Variants in MARCHF4 observed in about 807,000 individuals in gnomAD.
The protein encoded by MARCHF4 is membrane associated ring-CH-type finger 4, also known as E3 ubiquitin-protein ligase MARCHF4.
Under a neutral mutation model 43.9 loss-of-function variants are expected in MARCHF4, and 14 were observed. The ratio of observed to expected loss-of-function variants is 0.32; its 90% CI spans 0.21 to 0.50. MARCHF4 has a LOEUF of 0.50. Among genes scored for constraint, MARCHF4 ranks in the 20% least tolerant of loss-of-function variants. The pLI, the probability that MARCHF4 is intolerant of heterozygous loss-of-function variation, is 0.98. For missense variants in MARCHF4, 468 were observed against 536.7 expected, an observed-to-expected ratio of 0.87 and a Z score of 1.27; for synonymous variants, 226 against 213.3, an observed-to-expected ratio of 1.06 and a Z score of -0.52.
At chr2:216,283,436 A>T in intron 2 of MARCHF4, 138 bp downstream of exon 2, 1 of 992,240 alleles carries the variant, frequency 1.0e-6, no homozygotes, top group Non-Finnish European at 1.5e-6. Context: ...CACGCCGCCC[A>T]CCGTGCTTGC....
intron 1 of MARCHF4, among the ~76,000 whole-genome samples, chr2:216,312,516 T>C (rs765776582): frequency 1.3e-4 from 20 of 152,164 alleles, no homozygotes; most frequent in Non-Finnish European, 2.2e-4. Context: ...CAACAGTGTA[T>C]AAGCATTCCC....
chr2:216,342,265 A>T, intron 1 of MARCHF4, among the ~76,000 whole-genome samples: 1 of 152,092 alleles, frequency 6.6e-6, no homozygotes, highest in East Asian at 1.9e-4. Flanking sequence ...CCTCACAACG[A>T]CCCACCAGGT....
intron 1 of MARCHF4, among the ~76,000 whole-genome samples, chr2:216,302,910 AAAAAAAAAAAAAAG>A (rs1338788765): frequency 1.2e-5 from 1 of 84,250 alleles, no homozygotes. Context: ...AAAAAAAAAA[AAAAAAAAAAAAAAG>A]AAAATGGCAT....
At chr2:216,318,578 T>C (rs1273259066) in intron 1 of MARCHF4, among the ~76,000 whole-genome samples, 1 of 151,442 alleles carries the variant, frequency 6.6e-6, no homozygotes, top group Non-Finnish European at 1.5e-5. Context: ...AGTGAGGGAG[T>C]GAACTGTGTG....
intron 1 of MARCHF4, among the ~76,000 whole-genome samples, chr2:216,294,885 T>C (rs982879677): frequency 3.3e-5 from 5 of 152,352 alleles, no homozygotes; most frequent in Non-Finnish European, 7.3e-5. Context: ...ATGCAAGCAT[T>C]GACTGCTGGG....
Position 216,370,222 on chromosome 2 carries a change from C to G in MARCHF4, c.39G>C (p.Trp13Cys), listed in dbSNP as rs145386484. 217 of 1,606,856 alleles carry G rather than the reference C, an allele frequency of 1.4e-4. 1 individual carries two copies. The highest frequency in any genetic ancestry group is 2.5e-4 in the African/African-American group (19 of 74,866). The change falls in exon 1 of 4, where the codon TGG (tryptophan) becomes TGC (cysteine). Residue 13 changes from tryptophan to cysteine, a missense_variant. This residue lies in a region of MARCHF4 where 190 missense variants were observed against 158.5 expected (regional missense o/e 1.20). Transcript: ENST00000273067. ...MPLCGLLWWWWCCCSGWYCYG... is the reference protein window; with the variant it reads ...MPLCGLLWWWCCCCSGWYCYG... ...AGCAGTACCAGCCGGAGCAGCAGCA[C>G]CACCACCACCAGAGCAGCCCACACA...
At chr2:216,271,893 C>T (rs978871990) in intron 3 of MARCHF4, among the ~76,000 whole-genome samples, 24 of 151,440 alleles carry the variant, frequency 1.6e-4, no homozygotes, top group Admixed American at 9.9e-4. Context: ...TGTGCTCAAG[C>T]GATCCTCCTA....
intron 1 of MARCHF4, among the ~76,000 whole-genome samples, chr2:216,365,172 T>C (rs949678745): frequency 2.0e-5 from 3 of 152,212 alleles, no homozygotes; most frequent in African/African-American, 4.8e-5. Context: ...CATTGCATCT[T>C]AGGATCTCCA....
intron 1 of MARCHF4, among the ~76,000 whole-genome samples, chr2:216,326,045 T>A: frequency 7.2e-6 from 1 of 138,216 alleles, no homozygotes; most frequent in Non-Finnish European, 1.6e-5. Flanking sequence ...GGGAGAAAAT[T>A]TTCGCAACCT....
chr2:216,310,232 G>T (rs1271941059), intron 1 of MARCHF4, among the ~76,000 whole-genome samples: 1 of 152,040 alleles, frequency 6.6e-6, no homozygotes, highest in Non-Finnish European at 1.5e-5. Context: ...CTTTCACTTT[G>T]GGGCAGTACT....
intron 1 of MARCHF4, among the ~76,000 whole-genome samples, chr2:216,315,820 A>G (rs1416247666): frequency 1.3e-5 from 2 of 152,312 alleles, no homozygotes; most frequent in South Asian, 4.1e-4. Context: ...GTTTATACTA[A>G]GAAAAAATTA....
At chr2:216,292,682 G>C (rs1038823233) in intron 1 of MARCHF4, among the ~76,000 whole-genome samples, 5 of 152,210 alleles carry the variant, frequency 3.3e-5, no homozygotes, top group African/African-American at 1.2e-4. Context: ...CAACCAAACT[G>C]TGTGTGATAT....
At chr2:216,313,686 C>T (rs969312922) in intron 1 of MARCHF4, among the ~76,000 whole-genome samples, 2 of 152,164 alleles carry the variant, frequency 1.3e-5, no homozygotes, top group South Asian at 2.1e-4. Context: ...GACATGATCC[C>T]TAGAAAAGGA....
rs140349213 is a variant in MARCHF4, at chr2:216,332,248, C to T, written c.516+37497G>A. ...TCTATTAAAAATACAAAGAATTAGC[C>T]GGGCATGGTGGCACACACCTGTAAT... On this transcript the variant is annotated intron_variant, in intron 1 of 3. Transcript: ENST00000273067. 5.0e-3 allele frequency among the ~76,000 whole-genome samples: 766 copies of T among 151,872 alleles called. 9 individuals carry two copies. The highest frequency in any genetic ancestry group is 0.017 in the African/African-American group (722 of 41,432).
Position 216,331,298 on chromosome 2 carries a change from AC to A in MARCHF4, c.516+38446del, listed in dbSNP as rs1034937572. Among the ~76,000 whole-genome samples the A allele has an allele frequency of 1.5e-4, 23 of 152,196 alleles. No homozygotes were observed. The South Asian group carries it at 1.7e-3, about 11-fold the overall frequency. ...TCTAGAAAAGCACAATTTAAAAAAA[AC>A]AATTAAAAAATAAAAATCTGAATAG... is the stretch of plus-strand genomic sequence containing the variant. On this transcript the variant is annotated intron_variant, in intron 1 of 3. Coordinates refer to ENST00000273067, the MANE Select transcript of MARCHF4 (RefSeq NM_020814.3).
chr2:216,332,036 C>T (rs1378080966), intron 1 of MARCHF4, among the ~76,000 whole-genome samples: 1 of 152,086 alleles, frequency 6.6e-6, no homozygotes, highest in East Asian at 1.9e-4. Flanking sequence ...ATAAAATTTG[C>T]ATTATTTGTA....
At chr2:216,303,512 C>A (rs189690491) in intron 1 of MARCHF4, 1 of 152,280 alleles carries the variant, frequency 6.6e-6, no homozygotes, top group Non-Finnish European at 1.5e-5. Flanking sequence ...TCCCTGATGT[C>A]CAGGGTCCTG....
chr2:216,270,287 G>A (rs932497157), intron 3 of MARCHF4, among the ~76,000 whole-genome samples: 1 of 152,040 alleles, frequency 6.6e-6, no homozygotes, highest in Non-Finnish European at 1.5e-5. Context: ...TGTTGCCTAG[G>A]CTGGTCTTGA....
At chr2:216,338,039 A>G (rs1266287585) in intron 1 of MARCHF4, among the ~76,000 whole-genome samples, 1 of 152,200 alleles carries the variant, frequency 6.6e-6, no homozygotes, top group South Asian at 2.1e-4. Context: ...TGACTTCTTG[A>G]AGAGGTAAGA....
Sources: gnomAD v4.1 joint callset for allele counts (sites outside exome capture counted in the v4.1 genomes callset) on GRCh38, gnomAD v4.1.1 for gene constraint, gnomAD v4.1.1 regional missense constraint, MANE v1.5 for transcripts, NCBI Gene and HGNC (gene_info 2026-07-23, HGNC 2026-07-21) for gene names.